Variants in OR5A1 observed in about 807,000 individuals in gnomAD.
OR5A1 encodes the protein olfactory receptor family 5 subfamily A member 1, also known as olfactory receptor 5A1.
Under a neutral mutation model 6.7 loss-of-function variants are expected in OR5A1, and 6 were observed. The ratio of observed to expected loss-of-function variants is 0.89; its 90% confidence interval spans 0.49 to 1.76. The LOEUF (loss-of-function observed/expected upper bound fraction) is 1.76, where lower values mean the gene tolerates loss of function less well. Ranked by LOEUF, OR5A1 falls within the 40% of genes most tolerant of loss-of-function variation. The pLI is 0.01. For synonymous variants in OR5A1, 170 were observed against 155.0 expected (o/e 1.10, Z -0.72); for missense variants, 378 against 381.7 (o/e 0.99, Z 0.08).
In OR5A1 at chr11:59,446,649, G is replaced by A. The variant is rs1467389950; in HGVS notation, c.*2533G>A. Reference sequence around the variant, plus strand: ...AAATTAAACCTTGCAGCCCACATTGGGTGTAATTTATTTGCCATCATCTCA... The same window carrying A: ...AAATTAAACCTTGCAGCCCACATTGAGTGTAATTTATTTGCCATCATCTCA... On this transcript the variant is annotated 3_prime_UTR_variant, in exon 2 of 2. Transcript: ENST00000641045. 2.0e-5 allele frequency: 3 copies of A among 152,142 alleles called. No individual in the cohort carries two copies. Among genetic ancestry groups the A allele is most frequent in the Admixed American group, 6.5e-5 (1 of 15,276 alleles). The allele number at this position is 152,142 out of a possible 1,614,324, so 9.4% of individuals were successfully genotyped here.
chr11:59,441,366 A>T (rs1858478950), intron 1 of OR5A1, among the ~76,000 whole-genome samples: 1 of 152,346 alleles, frequency 6.6e-6, no homozygotes, highest in South Asian at 2.1e-4. Context: ...ATTAATCAGG[A>T]ACATGATTTT....
chr11:59,443,646 C>T lies in OR5A1; in HGVS notation c.478C>T (p.Leu160=), dbSNP rs141615153. ...GAYVGGFLSS[L]IQASSIFRLH... ...ATATGTTGGTGGCTTCCTGAGCTCC[C>T]TGATCCAGGCCAGCTCCATATTTAG... Residue 160 remains leucine (L), a synonymous_variant, in exon 2 of 2, where the codon CTG becomes TTG. Coordinates refer to ENST00000641045, the MANE Select transcript of OR5A1 (RefSeq NM_001004728.2). 2 of 1,614,130 alleles carry T rather than the reference C, an allele frequency of 1.2e-6. No homozygotes were observed. Among genetic ancestry groups the T allele is most frequent in the Non-Finnish European group, 1.7e-6 (2 of 1,180,030 alleles).
rs760327006 is a variant in OR5A1, at chr11:59,443,353, T to A, written c.185T>A (p.Met62Lys). The A allele has an allele frequency of 6.2e-7, 1 of 1,613,758 alleles. No homozygotes were observed. The highest frequency in any genetic ancestry group is 1.7e-5 in the Admixed American group (1 of 59,988). The change falls in exon 2 of 2, where the codon ATG becomes AAG. Residue 62 changes from methionine (M) to lysine (K), a missense_variant. Coordinates refer to ENST00000641045, the MANE Select transcript of OR5A1 (RefSeq NM_001004728.2). ...GGTGACACCCATCTGCACACACCCATGTACTTCTTCCTAAGCAACTTATCT... is the reference window on the plus strand; with the variant it reads ...GGTGACACCCATCTGCACACACCCAAGTACTTCTTCCTAAGCAACTTATCT... Reference protein sequence around the residue: ...IRGDTHLHTPMYFFLSNLSFI... With the variant: ...IRGDTHLHTPKYFFLSNLSFI...
At position 59,449,643 on chromosome 11, in the gene OR5A1, T is replaced by C. The variant is rs1197392875; in HGVS notation, c.*5527T>C. The C allele has an allele frequency of 6.6e-6, 1 of 152,204 alleles. No homozygotes were observed. The highest frequency in any genetic ancestry group is 6.5e-5 in the Admixed American group (1 of 15,270). The allele number at this position is 152,204 out of a possible 1,614,324, so 9.4% of individuals were successfully genotyped here. The stretch of plus-strand genomic sequence containing the variant: ...CAACTATATAATGATATTAGGATTA[T>C]GATAATATTAATACCCTACATTTGT... On this transcript the variant is annotated 3_prime_UTR_variant, in exon 2 of 2. Transcript: ENST00000641045.
chr11:59,440,002 C>A lies in OR5A1; in HGVS notation c.-33-3134C>A, dbSNP rs1314830557. 9.2e-5 allele frequency among the ~76,000 whole-genome samples: 14 copies of A among 152,076 alleles called. No homozygotes were observed. In the East Asian group the frequency reaches 2.7e-3, roughly 29 times the overall value. ...TTAAGCAAACATTCTATCTCAAGAC[C>A]CACCATGATCCCTTTATACATTATC... is the stretch of plus-strand genomic sequence containing the variant. On this transcript the variant is annotated intron_variant, in intron 1 of 1. Coordinates refer to ENST00000641045, the MANE Select transcript of OR5A1 (RefSeq NM_001004728.2).
At position 59,448,764 on chromosome 11, in the gene OR5A1, C is replaced by A. The variant is rs187453223; in HGVS notation, c.*4648C>A. On this transcript the variant is annotated 3_prime_UTR_variant, in exon 2 of 2. Transcript: ENST00000641045. ...TCAGCATCTAGAACTGCCTGATATA[C>A]AAAACGCAATAAATATGCATTTTTG... 73 of 152,172 alleles carry A rather than the reference C, an allele frequency of 4.8e-4. No individual in the cohort carries two copies. The highest frequency in any genetic ancestry group is 1.7e-3 in the African/African-American group (69 of 41,502). The allele number at this position is 152,172 out of a possible 1,614,324, so 9.4% of individuals were successfully genotyped here. A position where few individuals can be genotyped will look rare whatever the true frequency, so the allele number is the denominator to read the frequency against.
intron 1 of OR5A1, among the ~76,000 whole-genome samples, chr11:59,440,605 C>A (rs1194903668): frequency 6.6e-6 from 1 of 152,204 alleles, no homozygotes; most frequent in Non-Finnish European, 1.5e-5. Flanking sequence ...TTCTACCTTG[C>A]CAAATGGCTG....
Position 59,448,913 on chromosome 11 carries a change from T to C in OR5A1, c.*4797T>C, listed in dbSNP as rs1034057369. On this transcript the variant is annotated 3_prime_UTR_variant, in exon 2 of 2. Transcript: ENST00000641045. ...GATGAAATTTCTGTAATCGTTATCA[T>C]ACAAGGACTTTGCATCAAATTTGAT... is the stretch of plus-strand genomic sequence containing the variant. 1 of 152,166 alleles carries C rather than the reference T, an allele frequency of 6.6e-6. No homozygotes were observed. Among genetic ancestry groups the C allele is most frequent in the African/African-American group, 2.4e-5 (1 of 41,448 alleles). 9.4% of individuals were successfully genotyped at this position (152,166 alleles called of 1,614,324 possible).
At position 59,450,222 on chromosome 11, in the gene OR5A1, C is replaced by T. The variant is rs1038019867; in HGVS notation, c.*6106C>T. The T allele has an allele frequency of 6.6e-5, 10 of 152,300 alleles. No individual in the cohort carries two copies. The highest frequency in any genetic ancestry group is 8.8e-5 in the Non-Finnish European group (6 of 68,034). 9.4% of individuals were successfully genotyped at this position (152,300 alleles called of 1,614,324 possible). ...CAAAATAGAAAGGCTATCGTTTGAT[C>T]CTGACCTCACATTGAGCCTGATAGT... On this transcript the variant is annotated 3_prime_UTR_variant, in exon 2 of 2. Coordinates refer to ENST00000641045, the MANE Select transcript of OR5A1 (RefSeq NM_001004728.2).
In OR5A1 at chr11:59,444,023, C is replaced by T. The variant is rs1858519384; in HGVS notation, c.855C>T (p.Ile285=). 6.2e-7 allele frequency: 1 copy of T among 1,614,002 alleles called. No homozygotes were observed. The highest frequency in any genetic ancestry group is 8.5e-7 in the Non-Finnish European group (1 of 1,179,932). The change falls in exon 2 of 2, where the codon ATC becomes ATT. Residue 285 remains isoleucine, a synonymous_variant. Coordinates refer to ENST00000641045, the MANE Select transcript of OR5A1 (RefSeq NM_001004728.2). ...KVVSVFYSLV[I]PMLNPLIYSL... is the part of the protein sequence containing the mutation. ...TGTCTGTTTTCTATTCATTGGTGAT[C>T]CCCATGCTGAACCCTCTCATTTACA... is the stretch of plus-strand genomic sequence containing the variant.
Position 59,448,758 on chromosome 11 carries a change from G to T in OR5A1, c.*4642G>T, listed in dbSNP as rs111254862. 3.9e-5 allele frequency: 6 copies of T among 152,102 alleles called. No individual in the cohort carries two copies. Among genetic ancestry groups the T allele is most frequent in the African/African-American group, 1.4e-4 (6 of 41,480 alleles). The allele number at this position is 152,102 out of a possible 1,614,324, so 9.4% of individuals were successfully genotyped here. ...ATATTCTCAGCATCTAGAACTGCCT[G>T]ATATACAAAACGCAATAAATATGCA... On this transcript the variant is annotated 3_prime_UTR_variant, in exon 2 of 2. Transcript: ENST00000641045.
chr11:59,442,773 C>G lies in OR5A1; in HGVS notation c.-33-363C>G, dbSNP rs555266688. Among the ~76,000 whole-genome samples the G allele has an allele frequency of 2.6e-5, 4 of 152,342 alleles. No homozygotes were observed. The East Asian group carries it at 7.7e-4, about 29-fold the overall frequency. ...TGTCCTAATAATTACTCACTGGTCA[C>G]TTGTTATGTGCCAGGCACTTAAAAC... On this transcript the variant is annotated intron_variant, in intron 1 of 1. Transcript: ENST00000641045.
At chr11:59,439,851 AT>A (rs1343323014) in intron 1 of OR5A1, among the ~76,000 whole-genome samples, 2 of 152,190 alleles carry the variant, frequency 1.3e-5, no homozygotes, top group Non-Finnish European at 2.9e-5. Context: ...TGAACTTCTT[AT>A]TTCTCTAACA....
In OR5A1 at chr11:59,443,266, C is replaced by A. The variant is rs1353995784; in HGVS notation, c.98C>A (p.Thr33Asn). The stretch of plus-strand genomic sequence containing the variant: ...GAACTCCAGGCCCTCCTCTTTGTGA[C>A]CTTCCTGGGCATCTATCTTACCACC... Reference protein sequence around the residue: ...HPELQALLFVTFLGIYLTTLA... With the variant: ...HPELQALLFVNFLGIYLTTLA... Residue 33 changes from threonine to asparagine, a missense_variant, in exon 2 of 2, where the codon ACC (threonine) becomes AAC (asparagine). By Grantham distance (65) the Thr-to-Asn change is moderately conservative. Transcript: ENST00000641045. 6.2e-7 allele frequency: 1 copy of A among 1,613,976 alleles called. No homozygotes were observed. The highest frequency in any genetic ancestry group is 1.1e-5 in the South Asian group (1 of 91,074).
intron 1 of OR5A1, 31 bp from the exon 2 acceptor site, chr11:59,443,105 C>G: frequency 8.0e-7 from 1 of 1,257,230 alleles, no homozygotes; most frequent in East Asian, 2.3e-5. Context: ...GCTAATACCA[C>G]CTATAATGTG....
In OR5A1 at chr11:59,447,860, C is replaced by T. The variant is rs941897985; in HGVS notation, c.*3744C>T. 2 of 152,088 alleles carry T rather than the reference C, an allele frequency of 1.3e-5. No homozygotes were observed. Among genetic ancestry groups the T allele is most frequent in the Admixed American group, 6.6e-5 (1 of 15,262 alleles). The allele number at this position is 152,088 out of a possible 1,614,324, so 9.4% of individuals were successfully genotyped here. ...AGATGAGAGAAAATCAGACTACATGCTCCCTGCAGGGAGACAGATCCCAAA... is the reference window on the plus strand; with the variant it reads ...AGATGAGAGAAAATCAGACTACATGTTCCCTGCAGGGAGACAGATCCCAAA... On this transcript the variant is annotated 3_prime_UTR_variant, in exon 2 of 2. Transcript: ENST00000641045.
rs1317985668 is a variant in OR5A1 at position 59,444,373 on chromosome 11, T to A, written c.*257T>A. The A allele has an allele frequency of 3.4e-6, 1 of 292,516 alleles. No individual in the cohort carries two copies. Among genetic ancestry groups the A allele is most frequent in the East Asian group, 5.2e-5 (1 of 19,238 alleles). The allele number at this position is 292,516 out of a possible 1,614,324, so 18.1% of individuals were successfully genotyped here. On this transcript the variant is annotated 3_prime_UTR_variant, in exon 2 of 2. Coordinates refer to ENST00000641045, the MANE Select transcript of OR5A1 (RefSeq NM_001004728.2). ...CCAGGATAACCTATTTTCACAATAA[T>A]CACAATAACTAGCCTTTATTGGGCC... is the stretch of plus-strand genomic sequence containing the variant.
rs984611955 is a variant in OR5A1 at position 59,447,550 on chromosome 11, C to T, written c.*3434C>T. The T allele has an allele frequency of 6.6e-6, 1 of 152,124 alleles. No homozygotes were observed. The highest frequency in any genetic ancestry group is 2.4e-5 in the African/African-American group (1 of 41,428). The allele number at this position is 152,124 out of a possible 1,614,324, so 9.4% of individuals were successfully genotyped here. On this transcript the variant is annotated 3_prime_UTR_variant, in exon 2 of 2. Transcript: ENST00000641045. Reference sequence around the variant, plus strand: ...AAAATTTACAGGCATTTTACCATTACAAGGGAAATTCAAGAAAGAATATGA... The same window carrying T: ...AAAATTTACAGGCATTTTACCATTATAAGGGAAATTCAAGAAAGAATATGA...
In OR5A1 at chr11:59,451,228, C is replaced by A. The variant is rs182435538; in HGVS notation, c.*7112C>A. On this transcript the variant is annotated 3_prime_UTR_variant, in exon 2 of 2. Coordinates refer to ENST00000641045, the MANE Select transcript of OR5A1 (RefSeq NM_001004728.2). ...CTCATTGTAATTTAATTTGTATTTCCTTTTTTCTTTCTTTCTTTCCCTTTT... is the reference window on the plus strand; with the variant it reads ...CTCATTGTAATTTAATTTGTATTTCATTTTTTCTTTCTTTCTTTCCCTTTT... 3.3e-4 allele frequency: 50 copies of A among 152,082 alleles called. No individual in the cohort carries two copies. The East Asian group carries it at 9.3e-3, about 28-fold the overall frequency. 9.4% of individuals were successfully genotyped at this position (152,082 alleles called of 1,614,324 possible). A position where few individuals can be genotyped will look rare whatever the true frequency, so the allele number is the denominator to read the frequency against.
Sources: gnomAD v4.1 joint callset for allele counts (sites outside exome capture counted in the v4.1 genomes callset) on GRCh38, gnomAD v4.1.1 for gene constraint, MANE v1.5 for transcripts, NCBI Gene and HGNC (gene_info 2026-07-23, HGNC 2026-07-21) for gene names.